CTNNA2: variants seen among roughly 807,000 people sequenced by gnomAD.
The protein encoded by CTNNA2 is catenin alpha-2.
In CTNNA2, 42 loss-of-function variants were observed where a neutral mutation model predicts 101.0. That is an observed-to-expected ratio of 0.42 (90% CI 0.32 to 0.54). The LOEUF (loss-of-function observed/expected upper bound fraction) is 0.54. Among genes scored for constraint, CTNNA2 ranks in the 20% least tolerant of loss-of-function variants. CTNNA2 has a pLI of 0.14. For missense variants in CTNNA2, 871 were observed against 1,223.1 expected, an observed-to-expected ratio of 0.71 and a Z score of 4.29; for synonymous variants, 450 against 456.4, an observed-to-expected ratio of 0.99 and a Z score of 0.18.
At chr2:79,355,379 G>C (rs1270836239) in intron 3 of CTNNA2, among the ~76,000 whole-genome samples, 4 of 152,036 alleles carry the variant, frequency 2.6e-5, no homozygotes, top group Non-Finnish European at 5.9e-5. Context: ...TTTTCCATTT[G>C]TTTGTGTCAT....
At chr2:79,730,108 A>G (rs1687108608) in intron 2 of CTNNA2, among the ~76,000 whole-genome samples, 2 of 152,142 alleles carry the variant, frequency 1.3e-5, no homozygotes, top group East Asian at 3.9e-4. Flanking sequence ...GTAATAAACC[A>G]CAAGTGTCGG....
chr2:80,087,841 AG>A, intron 7 of CTNNA2, among the ~76,000 whole-genome samples: 1 of 151,980 alleles, frequency 6.6e-6, no homozygotes, highest in Non-Finnish European at 1.5e-5. Context: ...CAGAGGTGTA[AG>A]GCAGACTTGG....
At chr2:80,575,527 A>G (rs6547315) in intron 13 of CTNNA2, among the ~76,000 whole-genome samples, 144,863 of 152,174 alleles carry the variant, frequency 0.95, 68,978 homozygotes, top group East Asian at 0.98. Flanking sequence ...GGGCAAGGAA[A>G]GATAGTCAGC....
In CTNNA2 at chr2:80,522,947, A is replaced by C. The variant is rs142232212; in HGVS notation, c.1291-22035A>C. 3.9e-5 allele frequency among the ~76,000 whole-genome samples: 6 copies of C among 152,308 alleles called. No individual in the cohort carries two copies. The East Asian group carries it at 1.2e-3, about 29-fold the overall frequency. ...AGGAGAAGACGGGGTCCTGTGGTGC[A>C]TATGTTTTGTGGAATTCATGCATTT... On this transcript the variant is annotated intron_variant, in intron 9 of 18. Transcript: ENST00000402739.
At chr2:79,650,703 A>C (rs557351889) in intron 1 of CTNNA2, among the ~76,000 whole-genome samples, 1 of 150,670 alleles carries the variant, frequency 6.6e-6, no homozygotes, top group Non-Finnish European at 1.5e-5. Context: ...AGTTACATAC[A>C]TATACATGTG....
intron 1 of CTNNA2, among the ~76,000 whole-genome samples, chr2:79,542,000 T>A (rs1006436019): frequency 6.6e-6 from 1 of 152,184 alleles, no homozygotes; most frequent in Admixed American, 6.5e-5. Flanking sequence ...AGAAAACTAA[T>A]AATGCTTTCA....
chr2:79,259,443 C>G (rs146820825), intron 2 of CTNNA2, among the ~76,000 whole-genome samples: 179 of 152,284 alleles, frequency 1.2e-3, no homozygotes, highest in African/African-American at 4.1e-3. Context: ...CAGAGGTGAA[C>G]AGGAAAAGAA....
chr2:79,274,042 TTCTC>T (rs1344096243), intron 2 of CTNNA2, among the ~76,000 whole-genome samples: 2 of 152,140 alleles, frequency 1.3e-5, no homozygotes, highest in Non-Finnish European at 2.9e-5. Flanking sequence ...TATTTTCATC[TTCTC>T]TCTATGTTTC....
chr2:80,378,359 AAAATAAATAAATAAAT>A (rs70940081), intron 7 of CTNNA2, among the ~76,000 whole-genome samples: 744 of 126,920 alleles, frequency 5.9e-3, no homozygotes, highest in African/African-American at 0.017. Context: ...TCTGTCTCAA[AAAATAAATAAATAAAT>A]AAATAAATAA....
chr2:80,638,428 G>A (rs577755345), intron 18 of CTNNA2, among the ~76,000 whole-genome samples: 1 of 152,236 alleles, frequency 6.6e-6, no homozygotes, highest in East Asian at 1.9e-4. Flanking sequence ...TCTCTGGCAG[G>A]AGATCCTGAA....
At chr2:79,769,713 C>T (rs965571500) in intron 3 of CTNNA2, among the ~76,000 whole-genome samples, 3 of 152,078 alleles carry the variant, frequency 2.0e-5, no homozygotes, top group African/African-American at 4.8e-5. Flanking sequence ...GTTGAGGAAG[C>T]GTTTACAGAA....
At chr2:79,357,171 A>G (rs753458191) in intron 3 of CTNNA2, among the ~76,000 whole-genome samples, 30 of 152,112 alleles carry the variant, frequency 2.0e-4, no homozygotes, top group Non-Finnish European at 4.1e-4. Flanking sequence ...TATACAAAGA[A>G]AAAAATTAGT....
intron 1 of CTNNA2, among the ~76,000 whole-genome samples, chr2:79,596,319 A>G (rs1677186434): frequency 6.6e-6 from 1 of 152,116 alleles, no homozygotes; most frequent in Admixed American, 6.5e-5. Context: ...GAGTCAAGGT[A>G]GGGAAAATGG....
In CTNNA2 at chr2:79,626,619, ATGTGTGTGTGTGTG is replaced by A. The variant is rs71867416; in HGVS notation, c.-5-24909_-5-24896del. Among the ~76,000 whole-genome samples, 1,293 of 142,496 alleles carry A rather than the reference ATGTGTGTGTGTGTG, an allele frequency of 9.1e-3. 23 individuals are homozygous for A. Among genetic ancestry groups the A allele is most frequent in the African/African-American group, 0.032 (1,233 of 38,686 alleles). 93.5% of individuals were successfully genotyped at this position (142,496 alleles called of 152,430 possible). On this transcript the variant is annotated intron_variant, in intron 1 of 18. Transcript: ENST00000402739. ...TATGTGTATGTGCGTGTGTGTGTGT[ATGTGTGTGTGTGTG>A]TGTGTGTGTGTGTGTGTGTGTGTCG... is the stretch of plus-strand genomic sequence containing the variant.
chr2:79,664,879 T>C (rs1288904160), intron 2 of CTNNA2, among the ~76,000 whole-genome samples: 2 of 151,942 alleles, frequency 1.3e-5, no homozygotes, highest in Non-Finnish European at 2.9e-5. Context: ...GCCCGGCTAA[T>C]TTTTTGTATT....
chr2:79,894,994 A>G (rs1684598518), intron 6 of CTNNA2, among the ~76,000 whole-genome samples: 1 of 152,258 alleles, frequency 6.6e-6, no homozygotes. Flanking sequence ...TACCAATCAC[A>G]ATAGATAGCC....
chr2:80,029,925 A>G (rs1695181853), intron 7 of CTNNA2, among the ~76,000 whole-genome samples: 1 of 152,156 alleles, frequency 6.6e-6, no homozygotes, highest in African/African-American at 2.4e-5. Context: ...TAATGCTTCC[A>G]TGATGCAAGC....
intron 2 of CTNNA2, among the ~76,000 whole-genome samples, chr2:79,292,408 G>A (rs1486413852): frequency 6.6e-6 from 1 of 152,170 alleles, no homozygotes; most frequent in African/African-American, 2.4e-5. Flanking sequence ...TTAACTGGCT[G>A]ATTTTCTTTC....
At chr2:80,433,555 G>C (rs1231006473) in intron 9 of CTNNA2, among the ~76,000 whole-genome samples, 4 of 152,068 alleles carry the variant, frequency 2.6e-5, no homozygotes, top group African/African-American at 9.7e-5. Context: ...GAAGACTGGA[G>C]AGTTCATATG....
Sources: allele counts gnomAD v4.1 joint callset (sites outside exome capture counted in the v4.1 genomes callset), GRCh38; gene constraint gnomAD v4.1.1; transcripts MANE v1.5; gene names NCBI Gene and HGNC (gene_info 2026-07-23, HGNC 2026-07-21).